CNNM4: variants seen among roughly 807,000 people sequenced by gnomAD.
CNNM4 encodes metal transporter CNNM4.
A neutral mutation model predicts 53.7 loss-of-function variants in CNNM4; 32 were observed. The ratio of observed to expected loss-of-function variants is 0.60; its 90% CI spans 0.45 to 0.80. CNNM4 has a LOEUF of 0.80. Ranked by LOEUF, CNNM4 falls within the 30% of genes least tolerant of loss-of-function variation. CNNM4 has a pLI of 0.00. For missense variants in CNNM4, 784 were observed against 1,022.0 expected (o/e 0.77, Z 3.17); for synonymous variants, 410 against 440.0 (o/e 0.93, Z 0.85).
intron 1 of CNNM4, among the ~76,000 whole-genome samples, chr2:96,768,504 TA>T (rs2078838514): frequency 6.6e-6 from 1 of 152,028 alleles, no homozygotes; most frequent in Non-Finnish European, 1.5e-5. Flanking sequence ...GAAGTGAGAG[TA>T]ACTAGACTCG....
At chr2:96,788,600 G>A (rs1173673295) in intron 1 of CNNM4, 2 of 152,354 alleles carry the variant, frequency 1.3e-5, no homozygotes, top group Non-Finnish European at 2.9e-5. Context: ...AATCCTGCGG[G>A]AGCTTGGGTG....
intron 5 of CNNM4, among the ~76,000 whole-genome samples, chr2:96,802,767 GTGCCATA>G (rs2079170628): frequency 1.3e-5 from 2 of 152,234 alleles, no homozygotes; most frequent in African/African-American, 4.8e-5. Context: ...GGAAAGGCCA[GTGCCATA>G]TGCTGCTTCT....
At chr2:96,796,521 G>T (rs1025053491) in intron 1 of CNNM4, among the ~76,000 whole-genome samples, 4 of 152,122 alleles carry the variant, frequency 2.6e-5, no homozygotes, top group Non-Finnish European at 5.9e-5. Flanking sequence ...CAGCACTTTG[G>T]GAGGCTGAGA....
At chr2:96,792,613 A>G (rs1256628067) in intron 1 of CNNM4, among the ~76,000 whole-genome samples, 1 of 151,172 alleles carries the variant, frequency 6.6e-6, no homozygotes, top group Non-Finnish European at 1.5e-5. Context: ...GACCAGCCTG[A>G]CCAACATGGT....
intron 1 of CNNM4, among the ~76,000 whole-genome samples, chr2:96,781,869 G>C (rs896295728): frequency 4.6e-5 from 7 of 152,012 alleles, no homozygotes; most frequent in Non-Finnish European, 1.0e-4. Flanking sequence ...GTATGATTTT[G>C]GTAGGGTTTT....
chr2:96,764,036 C>A (rs1037870109), intron 1 of CNNM4, among the ~76,000 whole-genome samples: 1 of 151,920 alleles, frequency 6.6e-6, no homozygotes, highest in African/African-American at 2.4e-5. Context: ...AGTTGGGAAC[C>A]TGATTAGGAC....
chr2:96,760,922 A>G lies in CNNM4; in HGVS notation c.-78A>G. 3.8e-6 allele frequency: 3 copies of G among 798,868 alleles called. No homozygotes were observed. Among genetic ancestry groups the G allele is most frequent in the South Asian group, 5.4e-5 (1 of 18,462 alleles). The allele number at this position is 798,868 out of a possible 1,614,324, so 49.5% of individuals were successfully genotyped here. On this transcript the variant is annotated 5_prime_UTR_variant, in exon 1 of 7. Transcript: ENST00000377075. ...CGGGCAGTTGGCTCGGCGGCAGCGGAGCGGCCGGAGCTGCGGTGCGGACCG... is the reference window on the plus strand; with the variant it reads ...CGGGCAGTTGGCTCGGCGGCAGCGGGGCGGCCGGAGCTGCGGTGCGGACCG...
intron 1 of CNNM4, among the ~76,000 whole-genome samples, chr2:96,796,131 CTTTTTTTTTT>C (rs796494842): frequency 3.0e-4 from 15 of 50,668 alleles, no homozygotes; most frequent in African/African-American, 3.6e-4. Flanking sequence ...CAGACAGGGT[CTTTTTTTTTT>C]TTTTTTTTTT....
At position 96,800,863 on chromosome 2, in the gene CNNM4, G is replaced by A. The variant is rs1415708676; in HGVS notation, c.1948+1215G>A. Among the ~76,000 whole-genome samples the A allele has an allele frequency of 6.8e-6, 1 of 147,222 alleles. No homozygotes were observed. The highest frequency in any genetic ancestry group is 2.7e-5 in the African/African-American group (1 of 36,588). ...GGCCAGAAGAGAGGGGAGATGACTG[G>A]GCACACTCAGCCAGCTTCTGCCTGT... On this transcript the variant is annotated intron_variant, in intron 5 of 6. Coordinates refer to ENST00000377075, the MANE Select transcript of CNNM4 (RefSeq NM_020184.4). This position sits in a 1 kb window ranked among gnomAD's most constrained non-coding sequence, Gnocchi z 4.6.
In CNNM4 at chr2:96,761,100, G is replaced by T; in HGVS notation, c.101G>T (p.Gly34Val). Residue 34 changes from glycine (G) to valine (V), a missense_variant, in exon 1 of 7, where the codon GGG becomes GTG. Gly to Val is a moderately radical substitution (Grantham distance 109, BLOSUM62 -3). Transcript: ENST00000377075. The surrounding 1 kb of genome is among the most constrained non-coding windows in gnomAD (Gnocchi z 6.0). ...CTGCTGGTGCTGCTGTGGGCGCTGG[G>T]GGCCCGGGGCCAGGGCAGCCCCCAG... ...PVLLVLLWAL[G>V]ARGQGSPQQG... The T allele has an allele frequency of 6.5e-7, 1 of 1,534,144 alleles. No individual in the cohort carries two copies. Among genetic ancestry groups the T allele is most frequent in the Non-Finnish European group, 8.8e-7 (1 of 1,135,192 alleles).
intron 1 of CNNM4, among the ~76,000 whole-genome samples, chr2:96,776,742 A>G (rs1320731671): frequency 1.3e-5 from 2 of 151,418 alleles, no homozygotes; most frequent in South Asian, 4.2e-4. Flanking sequence ...CCTCCTGAGT[A>G]GCTGGGATTA....
intron 5 of CNNM4, among the ~76,000 whole-genome samples, chr2:96,804,727 G>T (rs938409406): frequency 6.6e-6 from 1 of 151,424 alleles, no homozygotes; most frequent in East Asian, 2.0e-4. Flanking sequence ...GTAGAAACAG[G>T]GTTTTGCCAT....
chr2:96,796,774 C>A (rs1031578155), intron 1 of CNNM4, among the ~76,000 whole-genome samples: 5 of 152,044 alleles, frequency 3.3e-5, no homozygotes, highest in Non-Finnish European at 7.4e-5. Flanking sequence ...TCCACAAAAA[C>A]AGAGAAAAAC....
intron 1 of CNNM4, among the ~76,000 whole-genome samples, chr2:96,792,703 C>T (rs1463700948): frequency 1.3e-5 from 2 of 152,016 alleles, no homozygotes; most frequent in African/African-American, 4.8e-5. Flanking sequence ...ACTTGGCAGG[C>T]TGAGGCAGGA....
At chr2:96,806,681 G>A (rs747197789) in intron 5 of CNNM4, among the ~76,000 whole-genome samples, 2 of 152,110 alleles carry the variant, frequency 1.3e-5, no homozygotes, top group Non-Finnish European at 2.9e-5. Flanking sequence ...AGCTTAGTCC[G>A]CTTCCTGTTT....
Position 96,762,472 on chromosome 2 carries a change from C to G in CNNM4, c.1402+71C>G, listed in dbSNP as rs985902005. 3.5e-6 allele frequency: 5 copies of G among 1,413,240 alleles called. No individual in the cohort carries two copies. In the African/African-American group the frequency reaches 5.7e-5, roughly 16 times the overall value. 87.5% of individuals were successfully genotyped at this position (1,413,240 alleles called of 1,614,324 possible). On this transcript the variant is annotated intron_variant, in intron 1 of 6. Coordinates refer to ENST00000377075, the MANE Select transcript of CNNM4 (RefSeq NM_020184.4). ...TCTTTTCCCCTGGCGTGTTTTGTGT[C>G]TGCTGGCTTTAGTGTTCTGTTTGTG...
intron 1 of CNNM4, among the ~76,000 whole-genome samples, chr2:96,771,669 G>A (rs927623817): frequency 6.6e-6 from 1 of 151,034 alleles, no homozygotes; most frequent in Non-Finnish European, 1.5e-5. Context: ...AGCCAAGATC[G>A]TGCCACTGCA....
At chr2:96,799,518 C>T in intron 4 of CNNM4, 34 bp from the exon 5 acceptor site, 1 of 1,529,086 alleles carries the variant, frequency 6.5e-7, no homozygotes, top group South Asian at 1.2e-5. Flanking sequence ...TCCTCCCTCA[C>T]TTGGTCTCTA....
At position 96,762,061 on chromosome 2, in the gene CNNM4, C is replaced by T. The variant is rs929526785; in HGVS notation, c.1062C>T (p.Leu354=). The T allele has an allele frequency of 6.2e-7, 1 of 1,614,032 alleles. No individual in the cohort carries two copies. The highest frequency in any genetic ancestry group is 8.5e-7 in the Non-Finnish European group (1 of 1,180,020). ...MLKVTEPYND[L]VKEELNMIQG... is the part of the protein sequence containing the mutation. Reference sequence around the variant, plus strand: ...AGGTGACGGAGCCCTATAATGACCTCGTGAAAGAGGAGCTCAATATGATCC... The same window carrying T: ...AGGTGACGGAGCCCTATAATGACCTTGTGAAAGAGGAGCTCAATATGATCC... Residue 354 remains leucine (L), a synonymous_variant, in exon 1 of 7, where the codon CTC becomes CTT. Transcript: ENST00000377075.
Sources: gnomAD v4.1 joint callset for allele counts (sites outside exome capture counted in the v4.1 genomes callset) on GRCh38, gnomAD v4.1.1 for gene constraint, Gnocchi (gnomAD v3.1) non-coding constraint, MANE v1.5 for transcripts, NCBI Gene and HGNC (gene_info 2026-07-23, HGNC 2026-07-21) for gene names.